MNS1: variants seen among roughly 807,000 people sequenced by gnomAD.
The protein encoded by MNS1 is meiosis specific nuclear structural 1.
Under a neutral mutation model 72.0 loss-of-function variants are expected in MNS1, and 63 were observed. The ratio of observed to expected loss-of-function variants is 0.87; its 90% CI spans 0.71 to 1.08. The LOEUF (loss-of-function observed/expected upper bound fraction) is 1.08. Among genes scored for constraint, MNS1 ranks in the 50% least tolerant of loss-of-function variants. The probability of loss-of-function intolerance (pLI) is 0.00; values close to 1 mark genes in which losing one functional copy is unlikely to be tolerated. For synonymous variants in MNS1, 188 were observed against 172.1 expected (o/e 1.09, Z -0.72); for missense variants, 604 against 562.4 (o/e 1.07, Z -0.75).
intron 3 of MNS1, among the ~76,000 whole-genome samples, chr15:56,455,068 C>G (rs1310523386): frequency 6.6e-6 from 1 of 152,024 alleles, no homozygotes; most frequent in Non-Finnish European, 1.5e-5. Flanking sequence ...CTACAAATGC[C>G]AAGCTTGCAT....
At position 56,428,951 on chromosome 15, in the gene MNS1, TAATTGTTTACAAGTTATGA is replaced by T. The variant is rs533004737; in HGVS notation, c.*131_*149del. 7 of 562,238 alleles carry T rather than the reference TAATTGTTTACAAGTTATGA, an allele frequency of 1.2e-5. No homozygotes were observed. The South Asian group carries it at 1.5e-4, about 12-fold the overall frequency. 34.8% of individuals were successfully genotyped at this position (562,238 alleles called of 1,614,324 possible). A position where few individuals can be genotyped will look rare whatever the true frequency, so the allele number is the denominator to read the frequency against. On this transcript the variant is annotated 3_prime_UTR_variant, in exon 10 of 10. Coordinates refer to ENST00000260453, the MANE Select transcript of MNS1 (RefSeq NM_018365.4). ...TTGATTAAAATTAATTTGTATCTGATAATTGTTTACAAGTTATGAAATTCAGTGATGATTTACAAAATCC... is the reference window on the plus strand; with the variant it reads ...TTGATTAAAATTAATTTGTATCTGATAATTCAGTGATGATTTACAAAATCC...
chr15:56,456,414 C>T lies in MNS1; in HGVS notation c.333G>A (p.Arg111=). The T allele has an allele frequency of 6.2e-7, 1 of 1,609,010 alleles. No individual in the cohort carries two copies. Among genetic ancestry groups the T allele is most frequent in the African/African-American group, 1.3e-5 (1 of 74,610 alleles). The change falls in exon 3 of 10, where the codon AGG becomes AGA. Residue 111 remains arginine, a synonymous_variant. Coordinates refer to ENST00000260453, the MANE Select transcript of MNS1 (RefSeq NM_018365.4). ...GATACCTGTTTTCTCTTACTTGTTG[C>T]CTCATCTTTTCGTCCTTTAGACTTT... is the stretch of plus-strand genomic sequence containing the variant. ...KHESLKDEKM[R]QQVRENSIEL...
At chr15:56,460,009 A>AAAAAAAAAAAAAAAAAAATATATAT in intron 2 of MNS1, among the ~76,000 whole-genome samples, 2 of 26,406 alleles carry the variant, frequency 7.6e-5, no homozygotes, top group African/African-American at 3.0e-4. Flanking sequence ...AAAAAAAAAA[A>AAAAAAAAAAAAAAAAAAATATATAT]ATACATATAT....
rs771254257 is a variant in MNS1 at position 56,464,277 on chromosome 15, T to C, written c.4-30A>G. 2.0e-6 allele frequency: 3 copies of C among 1,465,428 alleles called. No homozygotes were observed. The South Asian group carries it at 3.7e-5, about 18-fold the overall frequency. The allele number at this position is 1,465,428 out of a possible 1,614,324, so 90.8% of individuals were successfully genotyped here. A position where few individuals can be genotyped will look rare whatever the true frequency, so the allele number is the denominator to read the frequency against. On this transcript the variant is annotated intron_variant, in intron 1 of 9. Coordinates refer to ENST00000260453, the MANE Select transcript of MNS1 (RefSeq NM_018365.4). The stretch of plus-strand genomic sequence containing the variant: ...GATGGAAGAAAAAAAAAGATGCATA[T>C]TTTGATATTCCAAAATCTAATTTTA...
intron 6 of MNS1, 21 bp downstream of exon 6, chr15:56,443,617 A>G: frequency 6.2e-7 from 1 of 1,605,186 alleles, no homozygotes; most frequent in South Asian, 1.1e-5. Context: ...ACTAGTGTTA[A>G]AGAAGTGGTT....
chr15:56,454,929 CACAAATCTTAAGTGT>C (rs2050971147), intron 3 of MNS1, among the ~76,000 whole-genome samples: 1 of 152,010 alleles, frequency 6.6e-6, no homozygotes. Context: ...CACTAAAGTG[CACAAATCTTAAGTGT>C]ACAGCTTGTA....
chr15:56,435,443 A>C (rs2140333748), intron 7 of MNS1, among the ~76,000 whole-genome samples: 1 of 152,160 alleles, frequency 6.6e-6, no homozygotes, highest in South Asian at 2.1e-4. Context: ...AGAAAAAAAA[A>C]ATGAATGAAT....
chr15:56,458,060 C>G (rs916073484), intron 2 of MNS1, among the ~76,000 whole-genome samples: 1 of 152,054 alleles, frequency 6.6e-6, no homozygotes, highest in African/African-American at 2.4e-5. Context: ...AGAATGCAAG[C>G]AAAACTTGGA....
At chr15:56,429,290 C>T (rs1373477356) in intron 9 of MNS1, 97 bp from the exon 10 acceptor site, 4 of 747,206 alleles carry the variant, frequency 5.4e-6, no homozygotes, top group Non-Finnish European at 8.7e-6. Flanking sequence ...AAGTTATCTC[C>T]AAGGTAATGA....
Position 56,429,039 on chromosome 15 carries a change from A to G in MNS1, c.*62T>C. 9.3e-7 allele frequency: 1 copy of G among 1,074,792 alleles called. No homozygotes were observed. Among genetic ancestry groups the G allele is most frequent in the East Asian group, 2.6e-5 (1 of 38,096 alleles). 66.6% of individuals were successfully genotyped at this position (1,074,792 alleles called of 1,614,324 possible). ...TAATGCCACTGAACTGTAAAACAAAAGTTATGCTGACATCTAGTGGTAACA... is the reference window on the plus strand; with the variant it reads ...TAATGCCACTGAACTGTAAAACAAAGGTTATGCTGACATCTAGTGGTAACA... On this transcript the variant is annotated 3_prime_UTR_variant, in exon 10 of 10. Coordinates refer to ENST00000260453, the MANE Select transcript of MNS1 (RefSeq NM_018365.4).
rs1358241652 is a variant in MNS1 at position 56,444,499 on chromosome 15, T to C, written c.631A>G (p.Lys211Glu). The stretch of plus-strand genomic sequence containing the variant: ...ATTTCATCAATCATGAGTTTCTCTT[T>C]TAGCAGCTGCTCATAAGCTTCCTGC... ...KKQEAYEQLL[K>E]EKLMIDEIVR... Residue 211 changes from lysine to glutamate, a missense_variant, in exon 5 of 10, where the codon AAA (lysine) becomes GAA (glutamate). Transcript: ENST00000260453. 6.2e-7 allele frequency: 1 copy of C among 1,611,248 alleles called. No homozygotes were observed. Among genetic ancestry groups the C allele is most frequent in the Non-Finnish European group, 8.5e-7 (1 of 1,179,300 alleles).
intron 8 of MNS1, 108 bp downstream of exon 8, chr15:56,434,030 C>T (rs896553435): frequency 4.9e-6 from 6 of 1,236,778 alleles, no homozygotes; most frequent in South Asian, 1.6e-5. Context: ...AGTAAACATA[C>T]TAACATTGTC....
intron 7 of MNS1, among the ~76,000 whole-genome samples, chr15:56,436,466 G>T (rs1174099073): frequency 5.9e-5 from 9 of 152,144 alleles, no homozygotes; most frequent in African/African-American, 2.2e-4. Context: ...AGTGTGTAGA[G>T]GGAAATTTAT....
At chr15:56,433,528 C>G (rs1278650385) in intron 8 of MNS1, among the ~76,000 whole-genome samples, 2 of 152,152 alleles carry the variant, frequency 1.3e-5, no homozygotes, top group African/African-American at 4.8e-5. Flanking sequence ...CCCATCAATT[C>G]CGTATCCTTA....
intron 8 of MNS1, among the ~76,000 whole-genome samples, chr15:56,433,250 C>A (rs1297051421): frequency 1.6e-5 from 2 of 124,914 alleles, no homozygotes; most frequent in Admixed American, 1.7e-4. Flanking sequence ...CACACCAGGG[C>A]CTGTCGGGGG....
intron 3 of MNS1, 187 bp from the exon 4 acceptor site, chr15:56,447,130 T>C: frequency 2.0e-6 from 1 of 512,738 alleles, no homozygotes; most frequent in Non-Finnish European, 3.5e-6. Context: ...GCTTACATTT[T>C]CTGGTTGAAA....
chr15:56,459,976 G>A (rs1451546862), intron 2 of MNS1, among the ~76,000 whole-genome samples: 2 of 66,566 alleles, frequency 3.0e-5, no homozygotes, highest in African/African-American at 6.8e-5. Flanking sequence ...GGCAACAAGA[G>A]CGAAATTCTG....
Position 56,429,133 on chromosome 15 carries a change from G to T in MNS1, c.1456C>A (p.Gln486Lys). ...TCTTCACAAATTTCACTCCTTTGTTGATATACTTTCCTGAACTCTTCACCA... is the reference window on the plus strand; with the variant it reads ...TCTTCACAAATTTCACTCCTTTGTTTATATACTTTCCTGAACTCTTCACCA... ...LLGEEFRKVY[Q>K]QRSEICEEK is the part of the protein sequence containing the mutation. Residue 486 changes from glutamine to lysine, a missense_variant, in exon 10 of 10, where the codon CAA (glutamine) becomes AAA (lysine). Gln to Lys is a moderately conservative substitution (Grantham distance 53). Transcript: ENST00000260453. 6.2e-7 allele frequency: 1 copy of T among 1,600,484 alleles called. No individual in the cohort carries two copies. The highest frequency in any genetic ancestry group is 1.1e-5 in the South Asian group (1 of 88,370).
In MNS1 at chr15:56,464,994, C is replaced by T. The variant is rs373188287; in HGVS notation, c.-22G>A. 4 of 1,608,860 alleles carry T rather than the reference C, an allele frequency of 2.5e-6. No homozygotes were observed. Among genetic ancestry groups the T allele is most frequent in the African/African-American group, 2.7e-5 (2 of 74,796 alleles). ...CCATCTTGGCTGACGAAAAATACCC[C>T]CTCTCGTGGGACCGCGGCCACCACC... On this transcript the variant is annotated 5_prime_UTR_variant, in exon 1 of 10. Transcript: ENST00000260453.
Sources: allele counts gnomAD v4.1 joint callset (sites outside exome capture counted in the v4.1 genomes callset), GRCh38; gene constraint gnomAD v4.1.1; transcripts MANE v1.5; gene names NCBI Gene and HGNC (gene_info 2026-07-23, HGNC 2026-07-21).